CELF2: variants seen among roughly 807,000 people sequenced by gnomAD.
The protein encoded by CELF2 is CUG triplet repeat RNA-binding protein 2.
Under a neutral mutation model 62.6 loss-of-function variants are expected in CELF2, and 8 were observed. The ratio of observed to expected loss-of-function variants is 0.13; its 90% confidence interval spans 0.07 to 0.23. CELF2 has a LOEUF of 0.23. Ranked by LOEUF, CELF2 falls within the 10% of genes least tolerant of loss-of-function variation. The pLI, the probability that CELF2 is intolerant of heterozygous loss-of-function variation, is 1.00. For missense variants in CELF2, 333 were observed against 671.0 expected (o/e 0.50, Z 5.56); for synonymous variants, 258 against 250.0 (o/e 1.03, Z -0.30).
chr10:10,650,726 C>G, the CELF2 span, among the ~76,000 whole-genome samples: 2 of 152,154 alleles, frequency 1.3e-5, no homozygotes, highest in Non-Finnish European at 2.9e-5. Context: ...ACATTGCTTA[C>G]TAAAAATAGT....
chr10:10,493,197 C>T, the CELF2 span, among the ~76,000 whole-genome samples: 261 of 152,172 alleles, frequency 1.7e-3, no homozygotes, highest in Non-Finnish European at 3.2e-3. Context: ...AAATACTGTA[C>T]GATTTTTCTT....
intron 1 of CELF2, among the ~76,000 whole-genome samples, chr10:10,814,214 TAA>T (rs759524110): frequency 2.3e-3 from 102 of 44,416 alleles, no homozygotes; most frequent in Admixed American, 4.0e-3. Flanking sequence ...AGAAGAGTCC[TAA>T]AAAAAAAAAA....
chr10:11,096,149 AC>A (rs1176043389), intron 1 of CELF2, among the ~76,000 whole-genome samples: 1 of 152,222 alleles, frequency 6.6e-6, no homozygotes, highest in Non-Finnish European at 1.5e-5. Flanking sequence ...ATTTACTTCT[AC>A]CTCTGAACAA....
chr10:10,555,424 C>T, the CELF2 span, among the ~76,000 whole-genome samples: 1 of 152,004 alleles, frequency 6.6e-6, no homozygotes, highest in Non-Finnish European at 1.5e-5. Flanking sequence ...ATCTACACAT[C>T]ATTGGTAAAA....
chr10:10,944,136 G>A (rs1483675000), intron 2 of CELF2: 1 of 152,556 alleles, frequency 6.6e-6, no homozygotes, highest in African/African-American at 2.4e-5. Flanking sequence ...GATCTGCAGT[G>A]TCCCTACCCC....
the CELF2 span, among the ~76,000 whole-genome samples, chr10:10,777,027 C>G: frequency 6.6e-6 from 1 of 152,216 alleles, no homozygotes; most frequent in Non-Finnish European, 1.5e-5. Flanking sequence ...CTCCATCTCT[C>G]CAGGTTTTCA....
At chr10:10,798,879 G>GC in intron 1 of CELF2, 1 of 398,810 alleles carries the variant, frequency 2.5e-6, no homozygotes, top group Admixed American at 4.4e-5. Context: ...CCCTGCTCCC[G>GC]CCCCACACCT....
intron 1 of CELF2, among the ~76,000 whole-genome samples, chr10:11,085,716 G>C (rs1395401646): frequency 6.6e-6 from 1 of 152,044 alleles, no homozygotes; most frequent in African/African-American, 2.4e-5. Context: ...TCCAGTTATT[G>C]GGAGTTTTTT....
intron 1 of CELF2, among the ~76,000 whole-genome samples, chr10:10,884,147 C>A (rs1349264777): frequency 6.6e-6 from 1 of 152,154 alleles, no homozygotes; most frequent in African/African-American, 2.4e-5. Flanking sequence ...AAAAGAATAA[C>A]ACCACGAAAT....
At chr10:10,648,076 A>G in the CELF2 span, among the ~76,000 whole-genome samples, 39 of 152,294 alleles carry the variant, frequency 2.6e-4, no homozygotes, top group African/African-American at 8.7e-4. Flanking sequence ...CAGTTGTGCT[A>G]TCCTCAGGAT....
At chr10:11,057,441 T>A (rs1242570718) in intron 1 of CELF2, among the ~76,000 whole-genome samples, 1 of 152,142 alleles carries the variant, frequency 6.6e-6, no homozygotes, top group African/African-American at 2.4e-5. Flanking sequence ...TATTAATCTA[T>A]AGAGAAAACA....
In CELF2 at chr10:11,098,141, G is replaced by T; in HGVS notation, c.75-67345G>T. 6.6e-6 allele frequency: 1 copy of T among 152,638 alleles called. No individual in the cohort carries two copies. 9.5% of individuals were successfully genotyped at this position (152,638 alleles called of 1,614,324 possible). A position where few individuals can be genotyped will look rare whatever the true frequency, so the allele number is the denominator to read the frequency against. The stretch of plus-strand genomic sequence containing the variant: ...CTAGTGAAGGTTGAGCATGTTGTGT[G>T]TGTGAAGGATGAGGTGTGTTTCGTA... On this transcript the variant is annotated intron_variant, in intron 1 of 12. Coordinates refer to ENST00000633077, the MANE Select transcript of CELF2 (RefSeq NM_001326342.2). This position sits in a 1 kb window ranked among gnomAD's most constrained non-coding sequence, Gnocchi z 4.0.
chr10:10,594,128 A>G, the CELF2 span, among the ~76,000 whole-genome samples: 1 of 152,186 alleles, frequency 6.6e-6, no homozygotes, highest in African/African-American at 2.4e-5. Flanking sequence ...GGCGGAGAAG[A>G]GGTGATAGGT....
chr10:11,074,583 ATTC>A (rs2071274956), intron 1 of CELF2, among the ~76,000 whole-genome samples: 1 of 152,188 alleles, frequency 6.6e-6, no homozygotes. Context: ...ATTACCTGCT[ATTC>A]TTTGAAATTT....
At chr10:10,825,383 G>A (rs1239917078) in intron 1 of CELF2, among the ~76,000 whole-genome samples, 1 of 151,948 alleles carries the variant, frequency 6.6e-6, no homozygotes, top group Non-Finnish European at 1.5e-5. Context: ...CTAATTTTTT[G>A]TATTTTTTAG....
In CELF2 at chr10:11,008,705, C is replaced by T. The variant is rs541522818; in HGVS notation, c.53+3265C>T. On this transcript the variant is annotated intron_variant, in intron 1 of 12. Transcript: ENST00000416382. This position sits in a 1 kb window ranked among gnomAD's most constrained non-coding sequence, Gnocchi z 4.5. ...CACAAGGAAGAGTGTTACGTGGGGA[C>T]GATCATTCTGTATTTAAGGTGTCAG... is the stretch of plus-strand genomic sequence containing the variant. Among the ~76,000 whole-genome samples the T allele has an allele frequency of 1.1e-4, 17 of 152,108 alleles. No individual in the cohort carries two copies. The East Asian group carries it at 1.7e-3, about 16-fold the overall frequency.
At position 10,995,982 on chromosome 10, in the gene CELF2, T is replaced by A. The variant is rs2053905731; in HGVS notation, c.89+75983T>A. Reference sequence around the variant, plus strand: ...ATGGGTATGTTCAGTCTGTGAATATTCCATGAGCTAAACACTTAGGTGAAC... The same window carrying A: ...ATGGGTATGTTCAGTCTGTGAATATACCATGAGCTAAACACTTAGGTGAAC... On this transcript the variant is annotated intron_variant, in intron 2 of 13. Coordinates refer to the CELF2 transcript ENST00000636488. The surrounding 1 kb of genome is among the most constrained non-coding windows in gnomAD (Gnocchi z 4.7). 1.3e-5 allele frequency among the ~76,000 whole-genome samples: 2 copies of A among 152,232 alleles called. No individual in the cohort carries two copies. The highest frequency in any genetic ancestry group is 4.1e-4 in the South Asian group (2 of 4,830).
At chr10:10,854,853 T>C (rs747880297) in intron 1 of CELF2, among the ~76,000 whole-genome samples, 16 of 151,702 alleles carry the variant, frequency 1.1e-4, no homozygotes, top group Non-Finnish European at 2.9e-5. Context: ...CCCTAGCTGA[T>C]TGAGTCATAC....
intron 2 of CELF2, among the ~76,000 whole-genome samples, chr10:10,961,436 GA>G (rs756546950): frequency 5.3e-5 from 8 of 152,208 alleles, no homozygotes; most frequent in Non-Finnish European, 1.0e-4. Flanking sequence ...CAGTAACACG[GA>G]AGATTTTGTT....
Sources: allele counts gnomAD v4.1 joint callset (sites outside exome capture counted in the v4.1 genomes callset), GRCh38; gene constraint gnomAD v4.1.1; non-coding constraint Gnocchi (gnomAD v3.1); transcripts MANE v1.5; gene names NCBI Gene and HGNC (gene_info 2026-07-23, HGNC 2026-07-21).